Variants in KCNT2 observed in about 807,000 individuals in gnomAD.
KCNT2 encodes the protein potassium sodium-activated channel subfamily T member 2, also known as potassium channel subfamily T member 2.
In KCNT2, 67 loss-of-function variants were observed where a neutral mutation model predicts 153.8. That is an observed-to-expected ratio of 0.44 (90% CI 0.36 to 0.53). KCNT2 has a LOEUF of 0.53. KCNT2 is among the 20% of genes least tolerant of loss of function. KCNT2 has a pLI of 0.00. For synonymous variants in KCNT2, 500 were observed against 458.8 expected (o/e 1.09, Z -1.15); for missense variants, 975 against 1,354.8 (o/e 0.72, Z 4.40).
chr1:196,459,123 G>T (rs781634191), intron 8 of KCNT2, among the ~76,000 whole-genome samples: 13 of 151,434 alleles, frequency 8.6e-5, no homozygotes, highest in Non-Finnish European at 1.5e-4. Context: ...TTTTTTTGAG[G>T]TAATGATAAA....
At position 196,374,084 on chromosome 1, in the gene KCNT2, T is replaced by C. The variant is rs192020010; in HGVS notation, c.1295-836A>G. ...GTCGTGTTTTTAAAAAGTGATTAAA[T>C]AGTGTTTATTTTGGAAAAAACAAAA... On this transcript the variant is annotated intron_variant, in intron 13 of 27. Coordinates refer to ENST00000294725, the MANE Select transcript of KCNT2 (RefSeq NM_198503.5). 1.2e-3 allele frequency among the ~76,000 whole-genome samples: 185 copies of C among 152,016 alleles called. 2 individuals carry two copies. In the East Asian group the frequency reaches 0.024, roughly 19 times the overall value.
At chr1:196,500,397 G>C (rs1396214551) in intron 1 of KCNT2, among the ~76,000 whole-genome samples, 1 of 152,166 alleles carries the variant, frequency 6.6e-6, no homozygotes, top group African/African-American at 2.4e-5. Flanking sequence ...GATGGGGACA[G>C]AGTTGGAACA....
At chr1:196,385,770 A>T (rs1351552518) in intron 13 of KCNT2, among the ~76,000 whole-genome samples, 1 of 143,800 alleles carries the variant, frequency 7.0e-6, no homozygotes, top group African/African-American at 2.7e-5. Flanking sequence ...CTGCATTAAA[A>T]AAATATATAT....
At chr1:196,350,725 A>C (rs571831609) in intron 14 of KCNT2, among the ~76,000 whole-genome samples, 1 of 152,074 alleles carries the variant, frequency 6.6e-6, no homozygotes, top group Non-Finnish European at 1.5e-5. Context: ...CCTTTTGTCA[A>C]TTTTGACTTT....
intron 1 of KCNT2, among the ~76,000 whole-genome samples, chr1:196,510,538 A>T (rs1681529631): frequency 6.6e-6 from 1 of 152,256 alleles, no homozygotes; most frequent in Non-Finnish European, 1.5e-5. Flanking sequence ...AGCTAAACAG[A>T]CATTTTAGAA....
Position 196,258,355 on chromosome 1 carries a change from C to T in KCNT2, c.3050G>A (p.Trp1017Ter). ...GCCTTTTCTGCTCAGTCTTCGGGCC[C>T]ACTGCATGCTTTTTCTCCGCAGCAA... ...HPLLRRKSMQ[W>*]ARRLSRKGPK... Residue 1017 changes from tryptophan (W) to a stop codon, truncating the protein, a stop_gained, in exon 26 of 28, where the codon TGG becomes TAG. Transcript: ENST00000294725. LOFTEE classifies it high-confidence loss of function. 2 of 1,613,974 alleles carry T rather than the reference C, an allele frequency of 1.2e-6. No individual in the cohort carries two copies. Among genetic ancestry groups the T allele is most frequent in the Non-Finnish European group, 1.7e-6 (2 of 1,179,974 alleles).
At chr1:196,483,312 G>A (rs554964223) in intron 3 of KCNT2, among the ~76,000 whole-genome samples, 7 of 152,018 alleles carry the variant, frequency 4.6e-5, no homozygotes, top group Middle Eastern at 3.4e-3. Context: ...GCTTCTTTTC[G>A]TCTCTACTAC....
intron 1 of KCNT2, chr1:196,582,404 C>A (rs538433693): frequency 6.5e-6 from 1 of 154,180 alleles, no homozygotes; most frequent in Non-Finnish European, 1.5e-5. Flanking sequence ...ACTTGACATG[C>A]GCAAAAAATG....
At chr1:196,493,366 G>A (rs1572632988) in intron 1 of KCNT2, among the ~76,000 whole-genome samples, 1 of 148,958 alleles carries the variant, frequency 6.7e-6, no homozygotes, top group Non-Finnish European at 1.5e-5. Context: ...TGTTTTTTTT[G>A]CAAGAGTAGA....
At chr1:196,314,734 G>A (rs1417063919) in intron 21 of KCNT2, among the ~76,000 whole-genome samples, 1 of 151,596 alleles carries the variant, frequency 6.6e-6, no homozygotes, top group African/African-American at 2.4e-5. Context: ...ACTGTCAGCT[G>A]GAGCCTCTAG....
At chr1:196,308,987 T>C (rs570459450) in intron 21 of KCNT2, among the ~76,000 whole-genome samples, 1 of 152,086 alleles carries the variant, frequency 6.6e-6, no homozygotes, top group East Asian at 1.9e-4. Flanking sequence ...TAAAGTAAGA[T>C]TCCTGACTTT....
At chr1:196,590,351 A>T (rs2148998974) in intron 1 of KCNT2, among the ~76,000 whole-genome samples, 1 of 152,322 alleles carries the variant, frequency 6.6e-6, no homozygotes, top group East Asian at 1.9e-4. Flanking sequence ...ACAGGTGATC[A>T]GCAGATGCCA....
chr1:196,468,561 T>A (rs541052664), intron 6 of KCNT2, among the ~76,000 whole-genome samples: 1 of 152,150 alleles, frequency 6.6e-6, no homozygotes, highest in South Asian at 2.1e-4. Flanking sequence ...CTTTTGACAA[T>A]CTCCTTACTA....
At chr1:196,419,825 TC>T (rs1309134585) in intron 12 of KCNT2, among the ~76,000 whole-genome samples, 1 of 152,028 alleles carries the variant, frequency 6.6e-6, no homozygotes, top group Non-Finnish European at 1.5e-5. Context: ...ATATGCCTTT[TC>T]CTTTTTCCTT....
intron 1 of KCNT2, among the ~76,000 whole-genome samples, chr1:196,519,970 AC>A (rs562362566): frequency 6.6e-6 from 1 of 152,134 alleles, no homozygotes; most frequent in Non-Finnish European, 1.5e-5. Context: ...TAGAAACGAT[AC>A]TAAAACCTGG....
intron 20 of KCNT2, among the ~76,000 whole-genome samples, chr1:196,317,759 G>C (rs913199226): frequency 2.6e-5 from 4 of 151,678 alleles, no homozygotes; most frequent in African/African-American, 9.7e-5. Context: ...ACTTCACTTT[G>C]AGAGTACCTG....
chr1:196,566,435 A>G (rs1660124490), intron 1 of KCNT2, among the ~76,000 whole-genome samples: 1 of 152,108 alleles, frequency 6.6e-6, no homozygotes, highest in Non-Finnish European at 1.5e-5. Flanking sequence ...AATTGTTTCA[A>G]TAAGAAATGA....
intron 14 of KCNT2, among the ~76,000 whole-genome samples, chr1:196,366,207 T>C (rs1042529976): frequency 1.3e-4 from 20 of 152,018 alleles, no homozygotes; most frequent in African/African-American, 4.1e-4. Flanking sequence ...TTGCCCAGGC[T>C]GGAGTGCAAT....
At chr1:196,260,894 A>G (rs1656955254) in intron 25 of KCNT2, among the ~76,000 whole-genome samples, 1 of 151,886 alleles carries the variant, frequency 6.6e-6, no homozygotes, top group Non-Finnish European at 1.5e-5. Flanking sequence ...ATATATAAAG[A>G]AAACATCTGT....
Sources: allele counts gnomAD v4.1 joint callset (sites outside exome capture counted in the v4.1 genomes callset), GRCh38; gene constraint gnomAD v4.1.1; transcripts MANE v1.5; gene names NCBI Gene and HGNC (gene_info 2026-07-23, HGNC 2026-07-21).